Variants in BTRC observed in about 807,000 individuals in gnomAD.
The protein encoded by BTRC is beta-transducin repeat containing E3 ubiquitin protein ligase, also known as F-box/WD repeat-containing protein 1A.
Under a neutral mutation model 85.5 loss-of-function variants are expected in BTRC, and 42 were observed. That is an observed-to-expected ratio of 0.49 (90% CI 0.38 to 0.64). The LOEUF (loss-of-function observed/expected upper bound fraction) is 0.64. Among genes scored for constraint, BTRC ranks in the 30% least tolerant of loss-of-function variants. The pLI is 0.00. For synonymous variants in BTRC, 255 were observed against 263.3 expected (o/e 0.97, Z 0.30); for missense variants, 594 against 743.5 (o/e 0.80, Z 2.34).
In BTRC at chr10:101,401,164, C is replaced by T. The variant is rs74152890; in HGVS notation, c.49-29181C>T. On this transcript the variant is annotated intron_variant, in intron 1 of 14. Transcript: ENST00000370187. Reference sequence around the variant, plus strand: ...TTAATACAATGAAGTTTCAGAATAGCCAAGTAATTTTGTTGTGGCATGATT... The same window carrying T: ...TTAATACAATGAAGTTTCAGAATAGTCAAGTAATTTTGTTGTGGCATGATT... Among the ~76,000 whole-genome samples, 674 of 152,218 alleles carry T rather than the reference C, an allele frequency of 4.4e-3. 9 individuals carry two copies. The highest frequency in any genetic ancestry group is 0.015 in the African/African-American group (640 of 41,526).
chr10:101,408,545 G>T lies in BTRC; in HGVS notation c.49-21800G>T, dbSNP rs117728343. Among the ~76,000 whole-genome samples the T allele has an allele frequency of 1.0e-3, 158 of 152,146 alleles. 1 individual carries two copies. In the East Asian group the frequency reaches 0.028, roughly 27 times the overall value. On this transcript the variant is annotated intron_variant, in intron 1 of 14. Coordinates refer to ENST00000370187, the MANE Select transcript of BTRC (RefSeq NM_033637.4). ...TGGTCTCCAACTCATGGACGCAAGC[G>T]ATCTGCCACCTGGGCCTCCCAAAGT...
chr10:101,469,350 A>G (rs1263658103), intron 3 of BTRC, among the ~76,000 whole-genome samples: 1 of 152,158 alleles, frequency 6.6e-6, no homozygotes, highest in Non-Finnish European at 1.5e-5. Flanking sequence ...TCATTTACCC[A>G]TTTTACAGAT....
At chr10:101,474,103 G>T (rs1314289630) in intron 3 of BTRC, among the ~76,000 whole-genome samples, 1 of 151,954 alleles carries the variant, frequency 6.6e-6, no homozygotes, top group Non-Finnish European at 1.5e-5. Context: ...TCTTCTCAGG[G>T]TTGGTTTTTG....
At chr10:101,479,952 C>T (rs2134226803) in intron 4 of BTRC, among the ~76,000 whole-genome samples, 1 of 152,186 alleles carries the variant, frequency 6.6e-6, no homozygotes, top group South Asian at 2.1e-4. Flanking sequence ...TATGGGCTAC[C>T]TCTTTTTCAT....
intron 1 of BTRC, among the ~76,000 whole-genome samples, chr10:101,357,896 G>A (rs10883618): frequency 0.29 from 43,822 of 152,034 alleles, 7,523 homozygotes; most frequent in Middle Eastern, 0.46. Context: ...ATTAACTTAC[G>A]TGCTAATGTC....
intron 4 of BTRC, among the ~76,000 whole-genome samples, chr10:101,486,870 G>C (rs1036048321): frequency 4.6e-5 from 7 of 152,098 alleles, no homozygotes; most frequent in African/African-American, 1.7e-4. Flanking sequence ...TCTGACTTCT[G>C]CTTTAAGAAA....
At chr10:101,475,396 C>T (rs144483033) in intron 3 of BTRC, among the ~76,000 whole-genome samples, 9,408 of 152,030 alleles carry the variant, frequency 0.062, 334 homozygotes, top group East Asian at 0.11. Context: ...AAAAATTAGC[C>T]GGCCGTGGTG....
intron 1 of BTRC, among the ~76,000 whole-genome samples, chr10:101,424,389 G>C (rs1944192477): frequency 6.6e-6 from 1 of 152,152 alleles, no homozygotes. Context: ...TGTAGGTAAA[G>C]TCTGAATGTA....
At chr10:101,385,384 A>G (rs1357673133) in intron 1 of BTRC, among the ~76,000 whole-genome samples, 2 of 146,264 alleles carry the variant, frequency 1.4e-5, no homozygotes, top group South Asian at 2.1e-4. Flanking sequence ...AAAAAAAAAA[A>G]GAAAAGAAAA....
At chr10:101,397,356 C>G (rs1192030028) in intron 1 of BTRC, among the ~76,000 whole-genome samples, 1 of 152,090 alleles carries the variant, frequency 6.6e-6, no homozygotes, top group Non-Finnish European at 1.5e-5. Flanking sequence ...TAAAGCTAGC[C>G]TAGAAAGGAT....
chr10:101,444,074 T>C (rs1450118619), intron 2 of BTRC, among the ~76,000 whole-genome samples: 5 of 152,204 alleles, frequency 3.3e-5, no homozygotes, highest in Non-Finnish European at 1.5e-5. Flanking sequence ...TCTGGCTTAG[T>C]AGCAGTCCTA....
At chr10:101,447,263 A>T (rs1268362463) in intron 2 of BTRC, among the ~76,000 whole-genome samples, 1 of 152,166 alleles carries the variant, frequency 6.6e-6, no homozygotes, top group Non-Finnish European at 1.5e-5. Context: ...GTGACCCACA[A>T]GTCAGTGCTC....
At chr10:101,366,750 T>A (rs1942386899) in intron 1 of BTRC, among the ~76,000 whole-genome samples, 1 of 122,412 alleles carries the variant, frequency 8.2e-6, no homozygotes, top group Non-Finnish European at 1.6e-5. Context: ...GCCCAGGGAG[T>A]TTGGACTTAA....
intron 1 of BTRC, among the ~76,000 whole-genome samples, chr10:101,356,208 G>A (rs1255555080): frequency 6.6e-6 from 1 of 152,096 alleles, no homozygotes; most frequent in African/African-American, 2.4e-5. Flanking sequence ...CACTATGTTG[G>A]CCAGGATGGT....
intron 13 of BTRC, among the ~76,000 whole-genome samples, chr10:101,538,851 C>T (rs1370606771): frequency 6.6e-6 from 1 of 152,006 alleles, no homozygotes; most frequent in Non-Finnish European, 1.5e-5. Flanking sequence ...AGTTCAAGAC[C>T]AGCTTGACCA....
intron 1 of BTRC, among the ~76,000 whole-genome samples, chr10:101,398,643 T>C (rs1943422715): frequency 6.6e-6 from 1 of 152,246 alleles, no homozygotes; most frequent in South Asian, 2.1e-4. Context: ...TGCACATAGT[T>C]GAACATTATC....
intron 1 of BTRC, among the ~76,000 whole-genome samples, chr10:101,404,018 A>T (rs1396473716): frequency 4.2e-5 from 1 of 23,890 alleles, no homozygotes; most frequent in Non-Finnish European, 8.8e-5. Flanking sequence ...ATATATATAT[A>T]TATATATATA....
At chr10:101,493,816 T>C (rs1946195561) in intron 4 of BTRC, among the ~76,000 whole-genome samples, 1 of 152,222 alleles carries the variant, frequency 6.6e-6, no homozygotes, top group Non-Finnish European at 1.5e-5. Flanking sequence ...TCTCTTACTG[T>C]CTGTTAGGCT....
chr10:101,525,925 A>C (rs1396531134), intron 5 of BTRC, 88 bp from the exon 6 acceptor site: 1 of 1,280,404 alleles, frequency 7.8e-7, no homozygotes, highest in Non-Finnish European at 1.1e-6. Context: ...TAGCAGAACA[A>C]ATGCTGTTCT....
Sources: gnomAD v4.1 joint callset for allele counts (sites outside exome capture counted in the v4.1 genomes callset) on GRCh38, gnomAD v4.1.1 for gene constraint, MANE v1.5 for transcripts, NCBI Gene and HGNC (gene_info 2026-07-23, HGNC 2026-07-21) for gene names.